The following CFAP251 variants were observed in gnomAD, a reference collection of about 807,000 sequenced individuals.
The protein encoded by CFAP251 is cilia- and flagella-associated protein 251.
In CFAP251, 93 loss-of-function variants were observed where a neutral mutation model predicts 126.7. That is an observed-to-expected ratio of 0.73 (90% CI 0.62 to 0.87). CFAP251 has a LOEUF of 0.87. Ranked by LOEUF, CFAP251 falls within the 40% of genes least tolerant of loss-of-function variation. The pLI is 0.00. For missense variants in CFAP251, 1,287 were observed against 1,389.2 expected (o/e 0.93, Z 1.17); for synonymous variants, 503 against 506.9 (o/e 0.99, Z 0.10).
chr12:121,920,222 CTTTTTTTTT>C (rs1161902952), intron 1 of CFAP251, among the ~76,000 whole-genome samples: 2 of 57,914 alleles, frequency 3.5e-5, no homozygotes, highest in Admixed American at 2.4e-4. Flanking sequence ...ACAAATGTGA[CTTTTTTTTT>C]TTTTTTTTTT....
rs1421957282 is a variant in CFAP251 at position 121,989,456 on chromosome 12, GGGA to G, written c.3007-10257_3007-10255del. Reference sequence around the variant, plus strand: ...TCGCCATCCAGATCTAGTTCCTGGAGGGAGGTATGGAGCAGTTGGGGTCACAGT... The same window carrying G: ...TCGCCATCCAGATCTAGTTCCTGGAGGGTATGGAGCAGTTGGGGTCACAGT... On this transcript the variant is annotated intron_variant, in intron 19 of 21. Transcript: ENST00000288912. This position sits in a 1 kb window ranked among gnomAD's most constrained non-coding sequence, Gnocchi z 4.2. Among the ~76,000 whole-genome samples the G allele has an allele frequency of 1.3e-5, 2 of 152,358 alleles. No homozygotes were observed. Among genetic ancestry groups the G allele is most frequent in the East Asian group, 3.9e-4 (2 of 5,180 alleles).
chr12:121,931,818 C>A lies in CFAP251; in HGVS notation c.820C>A (p.Leu274Ile). 1 of 1,606,110 alleles carries A rather than the reference C, an allele frequency of 6.2e-7. No homozygotes were observed. Among genetic ancestry groups the A allele is most frequent in the Non-Finnish European group, 8.5e-7 (1 of 1,176,868 alleles). Reference protein sequence around the residue: ...YYIREERQRVLLYVCAHTAII... With the variant: ...YYIREERQRVILYVCAHTAII... ...TATTCGAGAGGAAAGGCAGAGAGTTCTTCTGTATGTTTGTGCTCACACTGC... is the reference window on the plus strand; with the variant it reads ...TATTCGAGAGGAAAGGCAGAGAGTTATTCTGTATGTTTGTGCTCACACTGC... Residue 274 changes from leucine to isoleucine, a missense_variant, in exon 4 of 22, where the codon CTT becomes ATT. Coordinates refer to ENST00000288912, the MANE Select transcript of CFAP251 (RefSeq NM_144668.6).
chr12:121,972,971 A>G (rs1173615441), intron 17 of CFAP251, among the ~76,000 whole-genome samples: 2 of 152,252 alleles, frequency 1.3e-5, no homozygotes, highest in African/African-American at 2.4e-5. Flanking sequence ...AAAGTTGCCT[A>G]TGTAACCAAT....
At position 121,989,712 on chromosome 12, in the gene CFAP251, G is replaced by A. The variant is rs2135811200; in HGVS notation, c.3007-10004G>A. ...TAGAGGGTATTGTGCGTTGGGAAGAGGGCGTGGGGAAGAGGGTGAGTGCTC... is the reference window on the plus strand; with the variant it reads ...TAGAGGGTATTGTGCGTTGGGAAGAAGGCGTGGGGAAGAGGGTGAGTGCTC... On this transcript the variant is annotated intron_variant, in intron 19 of 21. Transcript: ENST00000288912. This position sits in a 1 kb window ranked among gnomAD's most constrained non-coding sequence, Gnocchi z 4.2. Among the ~76,000 whole-genome samples, 1 of 152,302 alleles carries A rather than the reference G, an allele frequency of 6.6e-6. No homozygotes were observed. The highest frequency in any genetic ancestry group is 1.9e-4 in the East Asian group (1 of 5,180).
At chr12:121,962,943 G>C (rs1293110284) in intron 15 of CFAP251, among the ~76,000 whole-genome samples, 1 of 152,220 alleles carries the variant, frequency 6.6e-6, no homozygotes, top group Non-Finnish European at 1.5e-5. Flanking sequence ...AATGGGCAAG[G>C]AGGGGGCATG....
rs916538071 is a variant in CFAP251, at chr12:121,918,943, C to T, written c.-21+248C>T. Among the ~76,000 whole-genome samples, 1 of 152,062 alleles carries T rather than the reference C, an allele frequency of 6.6e-6. No homozygotes were observed. The highest frequency in any genetic ancestry group is 1.5e-5 in the Non-Finnish European group (1 of 68,002). On this transcript the variant is annotated intron_variant, in intron 1 of 21. Transcript: ENST00000288912. This position sits in a 1 kb window ranked among gnomAD's most constrained non-coding sequence, Gnocchi z 4.3. The stretch of plus-strand genomic sequence containing the variant: ...CTCGAACCCGGCTGTCCAGACGCGC[C>T]GGCGAAGTTGGGCTCAGTCAAAAGA...
chr12:121,938,395 C>G (rs934584401), intron 5 of CFAP251, among the ~76,000 whole-genome samples: 4 of 151,984 alleles, frequency 2.6e-5, no homozygotes, highest in African/African-American at 9.7e-5. Context: ...AATCTCAGCT[C>G]ACTGCAACTT....
chr12:121,951,056 TAA>T (rs1441704255), intron 8 of CFAP251: 23 of 136,042 alleles, frequency 1.7e-4, no homozygotes, highest in South Asian at 4.7e-4. Flanking sequence ...CCATCTCTAC[TAA>T]AAAAAAAAAA....
chr12:121,919,284 C>T (rs1023904426), intron 1 of CFAP251, among the ~76,000 whole-genome samples: 1 of 152,010 alleles, frequency 6.6e-6, no homozygotes, highest in Non-Finnish European at 1.5e-5. Flanking sequence ...TCTAATGTCA[C>T]TGAAAATGTA....
intron 17 of CFAP251, among the ~76,000 whole-genome samples, chr12:121,968,441 A>C (rs965768219): frequency 2.0e-5 from 3 of 152,136 alleles, no homozygotes; most frequent in African/African-American, 7.2e-5. Flanking sequence ...TCTGCTCCAC[A>C]TATCCACACC....
chr12:121,983,290 AG>A (rs1193388488), intron 19 of CFAP251, among the ~76,000 whole-genome samples: 1 of 150,870 alleles, frequency 6.6e-6, no homozygotes, highest in Admixed American at 6.7e-5. Context: ...GCTACCCTGG[AG>A]GCTGAGGCAG....
chr12:121,980,803 G>A (rs1434816496), intron 19 of CFAP251, among the ~76,000 whole-genome samples: 1 of 152,198 alleles, frequency 6.6e-6, no homozygotes, highest in Non-Finnish European at 1.5e-5. Flanking sequence ...TGGGTGATTG[G>A]TTGGCCTAAC....
In CFAP251 at chr12:121,923,721, G is replaced by A; in HGVS notation, c.478G>A (p.Asp160Asn). 6.2e-7 allele frequency: 1 copy of A among 1,611,924 alleles called. No individual in the cohort carries two copies. The highest frequency in any genetic ancestry group is 8.5e-7 in the Non-Finnish European group (1 of 1,179,088). Residue 160 changes from aspartate to asparagine, a missense_variant, in exon 3 of 22, where the codon GAT becomes AAT. Physicochemically the swap from Asp to Asn is conservative, Grantham distance 23. Coordinates refer to ENST00000288912, the MANE Select transcript of CFAP251 (RefSeq NM_144668.6). ...RDLSTQIEFLDLDQISPEEQQ... is the reference protein window; with the variant it reads ...RDLSTQIEFLNLDQISPEEQQ... ...CCTGAGCACACAAATTGAATTTCTT[G>A]ATTTGGATCAAATCAGTCCTGAGGA... is the stretch of plus-strand genomic sequence containing the variant.
intron 10 of CFAP251, among the ~76,000 whole-genome samples, chr12:121,954,664 A>C (rs943708238): frequency 1.2e-4 from 18 of 147,844 alleles, no homozygotes; most frequent in Admixed American, 5.4e-4. Context: ...AAAAAAAAAA[A>C]AAAACCTCTT....
rs189844896 is a variant in CFAP251, at chr12:121,990,584, C to T, written c.3007-9132C>T. ...TCATGGCTCTGCAGTAGGCCCACCTCTTCCAGGAAGCCTTCCCGAAGCCCA... is the reference window on the plus strand; with the variant it reads ...TCATGGCTCTGCAGTAGGCCCACCTTTTCCAGGAAGCCTTCCCGAAGCCCA... On this transcript the variant is annotated intron_variant, in intron 19 of 21. Transcript: ENST00000288912. 1.4e-4 allele frequency among the ~76,000 whole-genome samples: 22 copies of T among 152,332 alleles called. No individual in the cohort carries two copies. In the East Asian group the frequency reaches 4.2e-3, roughly 29 times the overall value.
At position 121,978,093 on chromosome 12, in the gene CFAP251, A is replaced by G. The variant is rs1015095573; in HGVS notation, c.3006+2408A>G. On this transcript the variant is annotated intron_variant, in intron 19 of 21. Transcript: ENST00000288912. The stretch of plus-strand genomic sequence containing the variant: ...TAGTGTATCATAAGTATTTTCCATT[A>G]TATTAAAAATTCTCCAAGGCCGGGC... Among the ~76,000 whole-genome samples, 6 of 151,760 alleles carry G rather than the reference A, an allele frequency of 4.0e-5. No individual in the cohort carries two copies. In the East Asian group the frequency reaches 1.2e-3, roughly 30 times the overall value.
intron 19 of CFAP251, among the ~76,000 whole-genome samples, chr12:121,990,613 G>A (rs1464899391): frequency 6.6e-6 from 1 of 152,166 alleles, no homozygotes; most frequent in Admixed American, 6.6e-5. Context: ...AAGCCCACCT[G>A]GCTGAGAGCT....
At chr12:121,923,535 T>C in intron 2 of CFAP251, 87 bp from the exon 3 acceptor site, 1 of 1,494,216 alleles carries the variant, frequency 6.7e-7, no homozygotes, top group African/African-American at 1.4e-5. Context: ...AGGCTAACAC[T>C]AAGACTGGCT....
chr12:121,932,027 T>C, intron 4 of CFAP251, 141 bp downstream of exon 4: 1 of 745,762 alleles, frequency 1.3e-6, no homozygotes, highest in Non-Finnish European at 1.9e-6. Context: ...CAAGCCTGTC[T>C]TTAGAAACAC....
Sources: allele counts gnomAD v4.1 joint callset (sites outside exome capture counted in the v4.1 genomes callset), GRCh38; gene constraint gnomAD v4.1.1; non-coding constraint Gnocchi (gnomAD v3.1); transcripts MANE v1.5; gene names NCBI Gene and HGNC (gene_info 2026-07-23, HGNC 2026-07-21).